The following PBRM1 variants were observed in gnomAD, a reference collection of about 807,000 sequenced individuals.
PBRM1 encodes the protein protein polybromo-1.
A neutral mutation model predicts 194.5 loss-of-function variants in PBRM1; 27 were observed. The observed-to-expected ratio is 0.14, with a 90% confidence interval of 0.10 to 0.19. The LOEUF is 0.19. Among genes scored for constraint, PBRM1 ranks in the 10% least tolerant of loss-of-function variants. The pLI is 1.00. For synonymous variants in PBRM1, 655 were observed against 693.2 expected (o/e 0.94, Z 0.87); for missense variants, 1,466 against 2,077.2 (o/e 0.71, Z 5.72).
chr3:52,604,281 T>C (rs1299762008), intron 16 of PBRM1, among the ~76,000 whole-genome samples: 2 of 152,232 alleles, frequency 1.3e-5, no homozygotes, highest in African/African-American at 4.8e-5. Flanking sequence ...TCAGAGTTAA[T>C]GTTCATTTTA....
intron 11 of PBRM1, among the ~76,000 whole-genome samples, chr3:52,630,637 G>T (rs1049056044): frequency 6.6e-6 from 1 of 152,144 alleles, no homozygotes; most frequent in African/African-American, 2.4e-5. Flanking sequence ...GGCACCACTG[G>T]CTCACAATCC....
chr3:52,671,558 C>A (rs995450569), intron 2 of PBRM1, among the ~76,000 whole-genome samples: 1 of 152,190 alleles, frequency 6.6e-6, no homozygotes, highest in African/African-American at 2.4e-5. Flanking sequence ...TTAGTAGTTA[C>A]AAGAACTTGT....
chr3:52,614,078 G>A (rs1160241385), intron 15 of PBRM1, among the ~76,000 whole-genome samples: 1 of 152,050 alleles, frequency 6.6e-6, no homozygotes, highest in Non-Finnish European at 1.5e-5. Flanking sequence ...TTTCAGATAA[G>A]AAAGCTAGTC....
intron 10 of PBRM1, among the ~76,000 whole-genome samples, chr3:52,636,757 C>CAAA (rs567776784): frequency 0.019 from 347 of 18,684 alleles, 75 homozygotes; most frequent in African/African-American, 0.049. Flanking sequence ...ACTCTGTCTC[C>CAAA]AAAAAAAAAA....
At position 52,674,627 on chromosome 3, in the gene PBRM1, C is replaced by CAA. The variant is rs869059650; in HGVS notation, c.236+3871_236+3872dup. ...CAACACAGGGAAACCCTGTCTCTAC[C>CAA]AAAAAAAAAAAAAAAAATATATATA... On this transcript the variant is annotated intron_variant, in intron 2 of 29. Transcript: ENST00000296302. 3.6e-3 allele frequency among the ~76,000 whole-genome samples: 391 copies of CAA among 109,012 alleles called. 1 individual carries two copies. The highest frequency in any genetic ancestry group is 0.015 in the African/African-American group (305 of 21,028). The allele number at this position is 109,012 out of a possible 152,430, so 71.5% of individuals were successfully genotyped here. A position where few individuals can be genotyped will look rare whatever the true frequency, so the allele number is the denominator to read the frequency against.
chr3:52,601,383 T>C (rs1306695970), intron 17 of PBRM1, among the ~76,000 whole-genome samples: 1 of 152,224 alleles, frequency 6.6e-6, no homozygotes, highest in African/African-American at 2.4e-5. Context: ...AGGATGAAAC[T>C]GTTCCATCTC....
At chr3:52,580,628 C>A (rs369519827) in intron 20 of PBRM1, among the ~76,000 whole-genome samples, 1 of 152,132 alleles carries the variant, frequency 6.6e-6, no homozygotes, top group African/African-American at 2.4e-5. Context: ...TCCCAAAGTG[C>A]GGGGATTACA....
At chr3:52,653,303 A>C (rs1416330466) in intron 5 of PBRM1, among the ~76,000 whole-genome samples, 1 of 152,178 alleles carries the variant, frequency 6.6e-6, no homozygotes, top group East Asian at 1.9e-4. Context: ...AAAGAAATGA[A>C]GCACGGCTGG....
At chr3:52,597,896 G>A (rs2093692419) in intron 17 of PBRM1, among the ~76,000 whole-genome samples, 1 of 152,132 alleles carries the variant, frequency 6.6e-6, no homozygotes, top group African/African-American at 2.4e-5. Context: ...TCGAGACAGG[G>A]TTTCACCATG....
At chr3:52,654,366 T>C (rs985514943) in intron 5 of PBRM1, among the ~76,000 whole-genome samples, 2 of 152,194 alleles carry the variant, frequency 1.3e-5, no homozygotes, top group Admixed American at 1.3e-4. Flanking sequence ...CCAGTTCTAC[T>C]TCTGAGAGAA....
chr3:52,586,228 T>C (rs769495858), intron 20 of PBRM1, 197 bp downstream of exon 22: 18 of 507,800 alleles, frequency 3.5e-5, no homozygotes, highest in South Asian at 1.4e-4. Flanking sequence ...ACCAATGCAC[T>C]TGGCCTGATT....
intron 4 of PBRM1, 80 bp downstream of exon 5, chr3:52,662,053 C>T: frequency 2.1e-6 from 3 of 1,412,650 alleles, no homozygotes; most frequent in Admixed American, 2.1e-5. Flanking sequence ...TTGCCCACAA[C>T]AGCCCAGAGG....
intron 4 of PBRM1, among the ~76,000 whole-genome samples, chr3:52,661,289 T>G (rs2096719913): frequency 6.6e-6 from 1 of 152,168 alleles, no homozygotes. Context: ...CCTCCCAAAG[T>G]GCTGGGATTA....
At chr3:52,594,139 C>T (rs2093356701) in intron 17 of PBRM1, among the ~76,000 whole-genome samples, 1 of 152,170 alleles carries the variant, frequency 6.6e-6, no homozygotes, top group Non-Finnish European at 1.5e-5. Context: ...GTCTTGGCCT[C>T]CCACAGTGTT....
chr3:52,674,032 C>A lies in PBRM1; in HGVS notation c.236+4468G>T, dbSNP rs573488274. Reference sequence around the variant, plus strand: ...CGCCACTGCACTCCAGCCTGGGCAACAGAGCAAGACACTGTCTCAAAAAAA... The same window carrying A: ...CGCCACTGCACTCCAGCCTGGGCAAAAGAGCAAGACACTGTCTCAAAAAAA... On this transcript the variant is annotated intron_variant, in intron 2 of 29. Transcript: ENST00000296302. 4.0e-5 allele frequency among the ~76,000 whole-genome samples: 6 copies of A among 150,240 alleles called. No homozygotes were observed. The East Asian group carries it at 9.9e-4, about 25-fold the overall frequency.
chr3:52,597,327 T>C (rs1465376924), intron 17 of PBRM1, among the ~76,000 whole-genome samples: 4 of 151,950 alleles, frequency 2.6e-5, no homozygotes, highest in Admixed American at 2.0e-4. Flanking sequence ...GGTGTTCCTG[T>C]GGGGAGGACA....
intron 16 of PBRM1, among the ~76,000 whole-genome samples, chr3:52,608,747 T>C (rs1010061020): frequency 1.3e-5 from 2 of 151,774 alleles, no homozygotes; most frequent in South Asian, 2.1e-4. Flanking sequence ...ATATCACAGA[T>C]AAAAATTAGA....
At chr3:52,651,644 A>G (rs2096495736) in intron 6 of PBRM1, 98 bp downstream of exon 7, 1 of 603,108 alleles carries the variant, frequency 1.7e-6, no homozygotes, top group Non-Finnish European at 2.9e-6. Flanking sequence ...AACCCCTTAC[A>G]GAGACAACTA....
In PBRM1 at chr3:52,628,770, C is replaced by A. The variant is rs532713639; in HGVS notation, c.1443+124G>T. 2.9e-4 allele frequency: 261 copies of A among 886,240 alleles called. No individual in the cohort carries two copies. The African/African-American group carries it at 3.7e-3, about 13-fold the overall frequency. The allele number at this position is 886,240 out of a possible 1,614,324, so 54.9% of individuals were successfully genotyped here. A position where few individuals can be genotyped will look rare whatever the true frequency, so the allele number is the denominator to read the frequency against. On this transcript the variant is annotated intron_variant, in intron 12 of 29. Coordinates refer to ENST00000296302, the Ensembl canonical transcript of PBRM1. Reference sequence around the variant, plus strand: ...TACAGGTGTGAGCCACCGCACCCAGCCAAATGATGTAATATTACTGCTGAG... The same window carrying A: ...TACAGGTGTGAGCCACCGCACCCAGACAAATGATGTAATATTACTGCTGAG...
Sources: allele counts gnomAD v4.1 joint callset (sites outside exome capture counted in the v4.1 genomes callset), GRCh38; gene constraint gnomAD v4.1.1; transcripts MANE v1.5; gene names NCBI Gene and HGNC (gene_info 2026-07-23, HGNC 2026-07-21).